The following MBNL1 variants were observed in gnomAD, a reference collection of about 807,000 sequenced individuals.
MBNL1 encodes muscleblind-like protein 1.
In MBNL1, 8 loss-of-function variants were observed where a neutral mutation model predicts 42.2. The observed-to-expected ratio is 0.19, with a 90% CI of 0.11 to 0.34. MBNL1 has a LOEUF of 0.34. Among genes scored for constraint, MBNL1 ranks in the 10% least tolerant of loss-of-function variants. MBNL1 has a pLI of 1.00. For missense variants in MBNL1, 309 were observed against 495.3 expected (o/e 0.62, Z 3.57); for synonymous variants, 169 against 173.9 (o/e 0.97, Z 0.22).
intron 2 of MBNL1, among the ~76,000 whole-genome samples, chr3:152,303,556 A>G (rs373408164): frequency 2.0e-5 from 3 of 152,164 alleles, no homozygotes; most frequent in African/African-American, 7.2e-5. Flanking sequence ...GAAAAAAGAA[A>G]AGAAAAATAT....
At chr3:152,358,924 A>C (rs2095729552) in intron 2 of MBNL1, among the ~76,000 whole-genome samples, 1 of 152,130 alleles carries the variant, frequency 6.6e-6, no homozygotes, top group Non-Finnish European at 1.5e-5. Flanking sequence ...CTGGTTTTTA[A>C]AGTAATAAAT....
intron 2 of MBNL1, among the ~76,000 whole-genome samples, chr3:152,348,295 G>A (rs555737416): frequency 6.6e-5 from 10 of 152,236 alleles, no homozygotes; most frequent in African/African-American, 2.2e-4. Context: ...AGGTGGATAA[G>A]CCAATGTGTA....
chr3:152,306,033 A>G (rs553468440), intron 2 of MBNL1, among the ~76,000 whole-genome samples: 1 of 152,300 alleles, frequency 6.6e-6, no homozygotes, highest in Non-Finnish European at 1.5e-5. Context: ...GATATCTTCT[A>G]ATTTGGTTGA....
intron 2 of MBNL1, among the ~76,000 whole-genome samples, chr3:152,252,437 A>G (rs1356651156): frequency 1.3e-5 from 2 of 151,674 alleles, no homozygotes; most frequent in African/African-American, 4.8e-5. Context: ...GAGTCAATTA[A>G]TTTACTTTAA....
chr3:152,405,374 C>T (rs11925454), intron 2 of MBNL1, among the ~76,000 whole-genome samples: 19,634 of 152,058 alleles, frequency 0.13, 1,542 homozygotes, highest in African/African-American at 0.22. Flanking sequence ...CCCAGTAATA[C>T]TGAGAGAGGA....
chr3:152,246,102 GA>G (rs1218890953), intron 2 of MBNL1, among the ~76,000 whole-genome samples: 12 of 151,996 alleles, frequency 7.9e-5, no homozygotes, highest in Non-Finnish European at 1.6e-4. Flanking sequence ...TAAAAATAAA[GA>G]AACCTTAAAA....
At chr3:152,457,387 C>T (rs555400016) in intron 8 of MBNL1, among the ~76,000 whole-genome samples, 52 of 152,244 alleles carry the variant, frequency 3.4e-4, no homozygotes, top group Non-Finnish European at 5.4e-4. Flanking sequence ...ACATGTTCCC[C>T]CTTGGGAAGG....
At chr3:152,371,254 T>G (rs187150044) in intron 2 of MBNL1, among the ~76,000 whole-genome samples, 5 of 152,344 alleles carry the variant, frequency 3.3e-5, no homozygotes, top group African/African-American at 1.2e-4. Context: ...CCTTCACTTA[T>G]GAAGCTTAGT....
At chr3:152,425,466 G>T (rs1488164867) in intron 3 of MBNL1, among the ~76,000 whole-genome samples, 1 of 151,930 alleles carries the variant, frequency 6.6e-6, no homozygotes, top group African/African-American at 2.4e-5. Flanking sequence ...AAATTAGCCG[G>T]GCATGGTGGC....
At chr3:152,358,567 A>G (rs2095694768) in intron 2 of MBNL1, among the ~76,000 whole-genome samples, 2 of 152,108 alleles carry the variant, frequency 1.3e-5, no homozygotes, top group African/African-American at 4.8e-5. Context: ...AGGAGAATGA[A>G]TTGAGATATC....
At chr3:152,415,359 A>G (rs1389197875) in intron 3 of MBNL1, among the ~76,000 whole-genome samples, 1 of 152,184 alleles carries the variant, frequency 6.6e-6, no homozygotes, top group East Asian at 1.9e-4. Flanking sequence ...TTTTTCTTCA[A>G]AATAAATCCC....
intron 5 of MBNL1, among the ~76,000 whole-genome samples, chr3:152,447,372 A>G (rs1481208226): frequency 6.6e-6 from 1 of 152,068 alleles, no homozygotes; most frequent in African/African-American, 2.4e-5. Context: ...AACACATTAT[A>G]ACATGTGCTC....
chr3:152,459,094 A>C (rs1739758069), intron 8 of MBNL1, 177 bp from the exon 9 acceptor site: 1 of 443,936 alleles, frequency 2.3e-6, no homozygotes, highest in Non-Finnish European at 4.1e-6. Flanking sequence ...TTTTAAAGTT[A>C]GTTGCTACTT....
At chr3:152,327,938 C>T (rs545926022) in intron 2 of MBNL1, among the ~76,000 whole-genome samples, 1 of 151,912 alleles carries the variant, frequency 6.6e-6, no homozygotes, top group Non-Finnish European at 1.5e-5. Flanking sequence ...CTGTTTAGGA[C>T]ACTGTATGTG....
chr3:152,332,436 A>G (rs2085356667), intron 2 of MBNL1, among the ~76,000 whole-genome samples: 1 of 152,218 alleles, frequency 6.6e-6, no homozygotes, highest in Non-Finnish European at 1.5e-5. Flanking sequence ...AAATTCTGCA[A>G]AAAAATGTAG....
chr3:152,453,894 A>G (rs1728461142), intron 6 of MBNL1, among the ~76,000 whole-genome samples: 1 of 152,224 alleles, frequency 6.6e-6, no homozygotes, highest in African/African-American at 2.4e-5. Flanking sequence ...ATTGAAAAAT[A>G]TAACCTGTAC....
rs542130859 is a variant in MBNL1 at position 152,450,996 on chromosome 3, A to G, written c.961+3223A>G. On this transcript the variant is annotated intron_variant, in intron 6 of 9. Coordinates refer to ENST00000324210, the MANE Select transcript of MBNL1 (RefSeq NM_021038.5). ...AAGTTTGGTTGTTCTGCAGACAAAT[A>G]ATACAGAAGAATTAGATGATCAAGG... Among the ~76,000 whole-genome samples, 3 of 152,356 alleles carry G rather than the reference A, an allele frequency of 2.0e-5. No homozygotes were observed. In the East Asian group the frequency reaches 5.8e-4, roughly 29 times the overall value.
intron 2 of MBNL1, chr3:152,339,869 G>T (rs2092657166): frequency 1.3e-5 from 2 of 152,174 alleles, no homozygotes; most frequent in Non-Finnish European, 2.9e-5. Context: ...GCTCTGTGCT[G>T]TAAGATGAGC....
At chr3:152,327,318 T>G (rs2081026015) in intron 2 of MBNL1, among the ~76,000 whole-genome samples, 1 of 152,082 alleles carries the variant, frequency 6.6e-6, no homozygotes, top group African/African-American at 2.4e-5. Flanking sequence ...CCTGAGGATG[T>G]AGATATGAGC....
Sources: gnomAD v4.1 joint callset for allele counts (sites outside exome capture counted in the v4.1 genomes callset) on GRCh38, gnomAD v4.1.1 for gene constraint, MANE v1.5 for transcripts, NCBI Gene and HGNC (gene_info 2026-07-23, HGNC 2026-07-21) for gene names.